Variants in PPARGC1B observed in about 807,000 individuals in gnomAD.
The protein encoded by PPARGC1B is PPARG coactivator 1 beta.
PPARGC1B carries 34 observed loss-of-function variants against 101.6 expected under a neutral mutation model. That is an observed-to-expected ratio of 0.33 (90% CI 0.25 to 0.45). PPARGC1B has a LOEUF of 0.45. Ranked by LOEUF, PPARGC1B falls within the 20% of genes least tolerant of loss-of-function variation. The probability of loss-of-function intolerance (pLI) is 1.00; values close to 1 mark genes in which losing one functional copy is unlikely to be tolerated. For synonymous variants in PPARGC1B, 548 were observed against 539.3 expected (o/e 1.02, Z -0.22); for missense variants, 1,234 against 1,317.6 (o/e 0.94, Z 0.98).
chr5:149,781,979 A>G (rs191908443), intron 1 of PPARGC1B, among the ~76,000 whole-genome samples: 2 of 152,232 alleles, frequency 1.3e-5, no homozygotes, highest in Admixed American at 1.3e-4. Flanking sequence ...CAGTAAATGC[A>G]TTAAGGGGAA....
chr5:149,777,375 T>TC (rs1756404171), intron 1 of PPARGC1B, among the ~76,000 whole-genome samples: 1 of 151,596 alleles, frequency 6.6e-6, no homozygotes, highest in African/African-American at 2.4e-5. Flanking sequence ...GTTCCCTTCC[T>TC]CCCCCCACCA....
At chr5:149,834,802 C>A in intron 6 of PPARGC1B, 92 bp downstream of exon 6, 1 of 1,181,528 alleles carries the variant, frequency 8.5e-7, no homozygotes, top group South Asian at 1.3e-5. Flanking sequence ...CATCAGCGCC[C>A]ACCCCTGGCC....
At chr5:149,843,763 A>G (rs1029705298) in intron 10 of PPARGC1B, among the ~76,000 whole-genome samples, 2 of 152,250 alleles carry the variant, frequency 1.3e-5, no homozygotes, top group Non-Finnish European at 2.9e-5. Context: ...ACAGATGAAC[A>G]GATAAACAAA....
chr5:149,759,253 C>G (rs1755635788), intron 1 of PPARGC1B, among the ~76,000 whole-genome samples: 1 of 152,094 alleles, frequency 6.6e-6, no homozygotes, highest in Non-Finnish European at 1.5e-5. Flanking sequence ...AGTAGGATTC[C>G]TCATGGATGT....
chr5:149,756,350 G>C (rs1031256508), intron 1 of PPARGC1B, among the ~76,000 whole-genome samples: 1 of 152,140 alleles, frequency 6.6e-6, no homozygotes, highest in Non-Finnish European at 1.5e-5. Context: ...TACTTGGGAG[G>C]CTGAGGCAGG....
chr5:149,744,427 A>G (rs578122999), intron 1 of PPARGC1B, among the ~76,000 whole-genome samples: 5 of 152,308 alleles, frequency 3.3e-5, no homozygotes, highest in Admixed American at 6.5e-5. Context: ...GAGGGGGCTG[A>G]GGGGTCCTGC....
At chr5:149,845,179 C>T (rs986589018) in intron 10 of PPARGC1B, among the ~76,000 whole-genome samples, 7 of 152,178 alleles carry the variant, frequency 4.6e-5, no homozygotes, top group Non-Finnish European at 8.8e-5. Context: ...TCATAGATGT[C>T]TACCATGAAG....
chr5:149,791,337 T>G (rs1034062019), intron 1 of PPARGC1B, among the ~76,000 whole-genome samples: 3 of 152,030 alleles, frequency 2.0e-5, no homozygotes, highest in African/African-American at 7.2e-5. Flanking sequence ...TCTATTAGGT[T>G]TCTCCTTGTC....
chr5:149,826,343 C>T (rs1581100715), intron 2 of PPARGC1B, among the ~76,000 whole-genome samples: 1 of 152,102 alleles, frequency 6.6e-6, no homozygotes, highest in South Asian at 2.1e-4. Flanking sequence ...GGGAGGTAGG[C>T]GTCACTCAGG....
chr5:149,837,167 C>G lies in PPARGC1B; in HGVS notation c.2618+94C>G, dbSNP rs1759134162. 4 of 1,503,324 alleles carry G rather than the reference C, an allele frequency of 2.7e-6. No individual in the cohort carries two copies. The highest frequency in any genetic ancestry group is 3.5e-6 in the Non-Finnish European group (4 of 1,127,706). The allele number at this position is 1,503,324 out of a possible 1,614,324, so 93.1% of individuals were successfully genotyped here. A position where few individuals can be genotyped will look rare whatever the true frequency, so the allele number is the denominator to read the frequency against. ...CCCAGGAGGGAGGATCCCTGGGAAG[C>G]TTGCTCTGAAACTGAGGCTGCATCT... On this transcript the variant is annotated intron_variant, in intron 8 of 11. Coordinates refer to ENST00000309241, the MANE Select transcript of PPARGC1B (RefSeq NM_133263.4). The surrounding 1 kb of genome is among the most constrained non-coding windows in gnomAD (Gnocchi z 4.2).
chr5:149,772,030 TCCAACTTAGACGTGCCAGGCTGTGCA>T, intron 1 of PPARGC1B: 1 of 1,492,768 alleles, frequency 6.7e-7, no homozygotes, highest in African/African-American at 1.4e-5. Context: ...AGTGAAGGTT[TCCAACTTAGACGTGCCAGGCTGTGCA>T]CAGGTGGGGA....
chr5:149,798,128 C>T (rs922147077), intron 1 of PPARGC1B, among the ~76,000 whole-genome samples: 1 of 152,176 alleles, frequency 6.6e-6, no homozygotes, highest in Admixed American at 6.5e-5. Flanking sequence ...GCCAGGGCCA[C>T]ACAGCTGGTT....
intron 1 of PPARGC1B, among the ~76,000 whole-genome samples, chr5:149,788,890 C>A (rs944483427): frequency 2.0e-5 from 3 of 152,102 alleles, no homozygotes; most frequent in African/African-American, 7.2e-5. Context: ...AACACTTGGA[C>A]ACAGGGTGGG....
At chr5:149,808,675 A>G (rs533156706) in intron 1 of PPARGC1B, among the ~76,000 whole-genome samples, 78 of 152,294 alleles carry the variant, frequency 5.1e-4, no homozygotes, top group African/African-American at 1.7e-3. Context: ...TGTGGAAAAA[A>G]TGCACATGTT....
In PPARGC1B at chr5:149,832,285, T is replaced by C. The variant is rs1282004704; in HGVS notation, c.583-371T>C. ...GATCGATGAATCCCCCAGTGCTCAT[T>C]TGTAGCAAGTCCTTCCTACGCCCAG... On this transcript the variant is annotated intron_variant, in intron 4 of 11. Coordinates refer to ENST00000309241, the MANE Select transcript of PPARGC1B (RefSeq NM_133263.4). This position sits in a 1 kb window ranked among gnomAD's most constrained non-coding sequence, Gnocchi z 4.9. Among the ~76,000 whole-genome samples the C allele has an allele frequency of 1.3e-5, 2 of 152,138 alleles. No individual in the cohort carries two copies. Among genetic ancestry groups the C allele is most frequent in the Non-Finnish European group, 2.9e-5 (2 of 68,012 alleles).
intron 1 of PPARGC1B, among the ~76,000 whole-genome samples, chr5:149,815,625 G>A (rs1009451961): frequency 3.9e-5 from 6 of 152,110 alleles, no homozygotes; most frequent in Non-Finnish European, 8.8e-5. Flanking sequence ...GTGCAGTGGC[G>A]TGATCTCTGC....
At chr5:149,814,871 C>T (rs1328325655) in intron 1 of PPARGC1B, among the ~76,000 whole-genome samples, 1 of 152,186 alleles carries the variant, frequency 6.6e-6, no homozygotes, top group African/African-American at 2.4e-5. Flanking sequence ...GAAGGGGGGC[C>T]CACGGCAGGG....
At position 149,836,992 on chromosome 5, in the gene PPARGC1B, G is replaced by A. The variant is rs780808898; in HGVS notation, c.2537G>A (p.Arg846Gln). The A allele has an allele frequency of 5.0e-6, 8 of 1,613,996 alleles. No homozygotes were observed. Among genetic ancestry groups the A allele is most frequent in the South Asian group, 1.1e-5 (1 of 91,076 alleles). The change falls in exon 8 of 12, where the codon CGG becomes CAG. Residue 846 changes from arginine to glutamine, a missense_variant. Arg to Gln is a conservative substitution (Grantham distance 43). This residue lies in a region of PPARGC1B where 497 missense variants were observed against 529.5 expected (regional missense o/e 0.94). Transcript: ENST00000309241. ...CAGAGCCCACCAAGCAAGGCCAACC[G>A]GCAGCTCTGTTCCCGCAGCCGCTCA... ...PYQSPPSKAN[R>Q]QLCSRSRSSS...
intron 1 of PPARGC1B, among the ~76,000 whole-genome samples, chr5:149,807,973 T>G (rs1757664681): frequency 6.6e-6 from 1 of 152,176 alleles, no homozygotes. Flanking sequence ...AAAAACTCAG[T>G]CGTCAAGATC....
Sources: allele counts gnomAD v4.1 joint callset (sites outside exome capture counted in the v4.1 genomes callset), GRCh38; gene constraint gnomAD v4.1.1; regional missense constraint gnomAD v4.1.1; non-coding constraint Gnocchi (gnomAD v3.1); transcripts MANE v1.5; gene names NCBI Gene and HGNC (gene_info 2026-07-23, HGNC 2026-07-21).